The following SPIRE2 variants were observed in gnomAD, a reference collection of about 807,000 sequenced individuals.
SPIRE2 encodes protein spire homolog 2.
SPIRE2 carries 76 observed loss-of-function variants against 80.7 expected under a neutral mutation model. The observed-to-expected ratio is 0.94, with a 90% confidence interval of 0.78 to 1.14. SPIRE2 has a LOEUF of 1.14. Ranked by LOEUF, SPIRE2 falls within the 50% of genes most tolerant of loss-of-function variation. The pLI is 0.00. For missense variants in SPIRE2, 1,196 were observed against 1,015.3 expected (o/e 1.18, Z -2.42); for synonymous variants, 535 against 432.6 (o/e 1.24, Z -2.94).
At chr16:89,833,472 G>C (rs969367732) in intron 1 of SPIRE2, among the ~76,000 whole-genome samples, 3 of 152,360 alleles carry the variant, frequency 2.0e-5, no homozygotes, top group Admixed American at 1.3e-4. Context: ...GAAGACTCAA[G>C]TCCACAAAGG....
intron 6 of SPIRE2, 156 bp from the exon 7 acceptor site, chr16:89,855,957 C>A: frequency 7.5e-7 from 1 of 1,333,494 alleles, no homozygotes; most frequent in Non-Finnish European, 1.0e-6. Context: ...CTGGGAGCAG[C>A]ACTCCCTCCG....
chr16:89,850,594 C>A lies in SPIRE2; in HGVS notation c.579C>A (p.Cys193Ter). 1 of 1,519,628 alleles carries A rather than the reference C, an allele frequency of 6.6e-7. No homozygotes were observed. Among genetic ancestry groups the A allele is most frequent in the Non-Finnish European group, 8.8e-7 (1 of 1,139,250 alleles). 94.1% of individuals were successfully genotyped at this position (1,519,628 alleles called of 1,614,324 possible). A position where few individuals can be genotyped will look rare whatever the true frequency, so the allele number is the denominator to read the frequency against. ...RGAQAHYQAV[C>*]RALFVETLEL... Reference sequence around the variant, plus strand: ...CACAGGCGCATTACCAGGCCGTGTGCCGCGCGCTCTTCGTGGAGACGCTGG... The same window carrying A: ...CACAGGCGCATTACCAGGCCGTGTGACGCGCGCTCTTCGTGGAGACGCTGG... Residue 193 changes from cysteine (C) to a stop codon, truncating the protein, a stop_gained, in exon 3 of 15, where the codon TGC (cysteine) becomes TGA (stop). Transcript: ENST00000378247. LOFTEE classifies it high-confidence loss of function.
At position 89,831,848 on chromosome 16, in the gene SPIRE2, T is replaced by A. The variant is rs535530536; in HGVS notation, c.244+3054T>A. On this transcript the variant is annotated intron_variant, in intron 1 of 14. Transcript: ENST00000378247. ...TGCCTCTAAGGCACCCTTAGAGCAC[T>A]GGCTCTGGGGTTCTGCTGTTTCGCA... 1.2e-4 allele frequency among the ~76,000 whole-genome samples: 18 copies of A among 151,354 alleles called. 1 individual carries two copies. In the East Asian group the frequency reaches 3.3e-3, roughly 28 times the overall value.
At chr16:89,854,132 G>A (rs2041664449) in intron 3 of SPIRE2, among the ~76,000 whole-genome samples, 154 bp from the exon 4 acceptor site, 1 of 152,268 alleles carries the variant, frequency 6.6e-6, no homozygotes, top group African/African-American at 2.4e-5. Flanking sequence ...ATACCTTTTC[G>A]AGTCCTATGG....
chr16:89,868,356 C>T (rs1597226432), intron 13 of SPIRE2, 140 bp downstream of exon 13: 2 of 923,050 alleles, frequency 2.2e-6, no homozygotes, highest in East Asian at 5.0e-5. Flanking sequence ...CCTATACTTT[C>T]CAAGATAGTG....
At chr16:89,845,626 C>G (rs2041551633) in intron 2 of SPIRE2, 3 of 702,026 alleles carry the variant, frequency 4.3e-6, no homozygotes, top group South Asian at 3.0e-5. Flanking sequence ...CCTTCCACAG[C>G]TGCACAGATG....
intron 2 of SPIRE2, 121 bp downstream of exon 2, chr16:89,845,486 A>C (rs1021941535): frequency 2.2e-6 from 2 of 920,626 alleles, no homozygotes; most frequent in Admixed American, 3.8e-5. Flanking sequence ...GGTGCAGATG[A>C]AGTACCCAAC....
chr16:89,858,745 C>T (rs1016362873), intron 8 of SPIRE2, among the ~76,000 whole-genome samples: 2 of 152,198 alleles, frequency 1.3e-5, no homozygotes, highest in South Asian at 2.1e-4. Context: ...CTCCCACAGA[C>T]GATGGAAGGC....
At chr16:89,851,126 C>G (rs912762282) in intron 3 of SPIRE2, among the ~76,000 whole-genome samples, 1 of 152,162 alleles carries the variant, frequency 6.6e-6, no homozygotes, top group Admixed American at 6.5e-5. Flanking sequence ...TGGCCTCACA[C>G]TTTCTTCTTA....
chr16:89,848,878 C>T (rs1445091429), intron 2 of SPIRE2, among the ~76,000 whole-genome samples: 20 of 148,354 alleles, frequency 1.3e-4, no homozygotes, highest in African/African-American at 3.7e-4. Context: ...GGGCCTTCTG[C>T]GGCGTTTCTG....
intron 1 of SPIRE2, among the ~76,000 whole-genome samples, chr16:89,829,730 C>T (rs944519120): frequency 7.1e-6 from 1 of 140,064 alleles, no homozygotes; most frequent in East Asian, 1.9e-4. Flanking sequence ...CCTCAGCTGC[C>T]TCCACACTCC....
At chr16:89,833,352 T>A (rs1205094649) in intron 1 of SPIRE2, among the ~76,000 whole-genome samples, 1 of 152,008 alleles carries the variant, frequency 6.6e-6, no homozygotes, top group Non-Finnish European at 1.5e-5. Flanking sequence ...CTCAAACCCC[T>A]GACCTCAGGT....
At chr16:89,869,933 C>T in intron 14 of SPIRE2, 117 bp from the exon 15 acceptor site, 1 of 888,146 alleles carries the variant, frequency 1.1e-6, no homozygotes, top group Non-Finnish European at 1.7e-6. Context: ...GCCTGAGGGC[C>T]AAGGGGAGGC....
intron 9 of SPIRE2, 124 bp downstream of exon 9, chr16:89,859,478 C>T (rs1194022326): frequency 6.1e-6 from 3 of 488,482 alleles, no homozygotes; most frequent in Non-Finnish European, 6.6e-6. Flanking sequence ...CCAGGGAGCT[C>T]GTGCCTGCAA....
intron 1 of SPIRE2, among the ~76,000 whole-genome samples, chr16:89,830,685 G>A (rs1035826385): frequency 6.6e-6 from 1 of 150,902 alleles, no homozygotes; most frequent in Non-Finnish European, 1.5e-5. Context: ...GTAACCTTGG[G>A]TCTTCAGTAC....
intron 2 of SPIRE2, among the ~76,000 whole-genome samples, chr16:89,849,369 C>G (rs1030433137): frequency 6.6e-6 from 1 of 152,266 alleles, no homozygotes; most frequent in African/African-American, 2.4e-5. Flanking sequence ...GCCTCCGTCC[C>G]TGTCCCCACG....
rs762316768 is a variant in SPIRE2, at chr16:89,855,595, C to T, written c.892-5C>T. ...AGGGCCTCAGATCAGCCGTCCTCCC[C>T]GCAGGTGGATGGGGACATCCCGCCC... On this transcript the variant is annotated splice_region_variant and splice_polypyrimidine_tract_variant and intron_variant, in intron 5 of 14. Coordinates refer to ENST00000378247, the MANE Select transcript of SPIRE2 (RefSeq NM_032451.2). 34 of 1,612,212 alleles carry T rather than the reference C, an allele frequency of 2.1e-5. No homozygotes were observed. Among genetic ancestry groups the T allele is most frequent in the East Asian group, 1.6e-4 (7 of 44,854 alleles).
Position 89,863,488 on chromosome 16 carries a change from C to G in SPIRE2, c.1588C>G (p.Pro530Ala). 1.2e-6 allele frequency: 2 copies of G among 1,614,014 alleles called. No individual in the cohort carries two copies. Among genetic ancestry groups the G allele is most frequent in the Non-Finnish European group, 1.7e-6 (2 of 1,180,026 alleles). Residue 530 changes from proline (P) to alanine (A), a missense_variant, in exon 11 of 15, where the codon CCC becomes GCC. Physicochemically the swap from Pro to Ala is conservative, Grantham distance 27. Transcript: ENST00000378247. The surrounding 1 kb of genome is among the most constrained non-coding windows in gnomAD (Gnocchi z 4.3). ...GGCCGTCCCCTAGGAGTTCAGCCAC[C>G]CCGTGGAGAGCCTGGCGCTGACTGT... ...AKHLWLEFSH[P>A]VESLALTVEE...
At chr16:89,829,897 C>T (rs1223189935) in intron 1 of SPIRE2, among the ~76,000 whole-genome samples, 1 of 151,370 alleles carries the variant, frequency 6.6e-6, no homozygotes, top group Non-Finnish European at 1.5e-5. Flanking sequence ...CACTGCCGCC[C>T]AGAGGGTGGG....
Sources: allele counts gnomAD v4.1 joint callset (sites outside exome capture counted in the v4.1 genomes callset), GRCh38; gene constraint gnomAD v4.1.1; non-coding constraint Gnocchi (gnomAD v3.1); transcripts MANE v1.5; gene names NCBI Gene and HGNC (gene_info 2026-07-23, HGNC 2026-07-21).